The following SHD variants were observed in gnomAD, a reference collection of about 807,000 sequenced individuals.
SHD encodes SH2 domain-containing adapter protein D.
In SHD, 29 loss-of-function variants were observed where a neutral mutation model predicts 31.2. The observed-to-expected ratio is 0.93, with a 90% CI of 0.69 to 1.27. The LOEUF (loss-of-function observed/expected upper bound fraction) is 1.27, where lower values mean the gene tolerates loss of function less well. SHD is among the 50% of genes most tolerant of loss of function. The pLI is 0.00. For synonymous variants in SHD, 208 were observed against 187.8 expected (o/e 1.11, Z -0.88); for missense variants, 520 against 453.8 (o/e 1.15, Z -1.33).
chr19:4,286,899 T>G (rs1043180704), intron 4 of SHD, among the ~76,000 whole-genome samples: 2 of 149,076 alleles, frequency 1.3e-5, no homozygotes, highest in South Asian at 2.1e-4. Context: ...AAAAAAACAT[T>G]AAGAAAGGGG....
At chr19:4,290,282 G>C (rs1971363537) in intron 5 of SHD, among the ~76,000 whole-genome samples, 165 bp from the exon 6 acceptor site, 1 of 152,134 alleles carries the variant, frequency 6.6e-6, no homozygotes, top group Admixed American at 6.6e-5. Flanking sequence ...CCATATCACT[G>C]GGATTACAGG....
chr19:4,284,943 C>A, intron 4 of SHD, 39 bp downstream of exon 4: 2 of 1,551,976 alleles, frequency 1.3e-6, no homozygotes, highest in Non-Finnish European at 1.7e-6. Flanking sequence ...CCCCGTTGAA[C>A]GTATCTGTAG....
intron 3 of SHD, 62 bp from the exon 4 acceptor site, chr19:4,284,719 C>G: frequency 7.1e-7 from 1 of 1,411,414 alleles, no homozygotes; most frequent in Non-Finnish European, 9.4e-7. Context: ...ATTGGCTTGC[C>G]CCTGCCCCGC....
chr19:4,288,361 A>T lies in SHD; in HGVS notation c.835A>T (p.Arg279Trp). Reference protein sequence around the residue: ...TNPQDCSLSLRSSQGFLHLKF... With the variant: ...TNPQDCSLSLWSSQGFLHLKF... The stretch of plus-strand genomic sequence containing the variant: ...CCCCCAGGACTGCTCCTTGTCTCTC[A>T]GGTGAGAACTCAGCCTCACAGGGAC... Residue 279 changes from arginine to tryptophan, a missense_variant and splice_region_variant, in exon 5 of 6, where the codon AGG becomes TGG. Coordinates refer to ENST00000543264, the MANE Select transcript of SHD (RefSeq NM_020209.4). The T allele has an allele frequency of 6.2e-7, 1 of 1,612,152 alleles. No individual in the cohort carries two copies. Among genetic ancestry groups the T allele is most frequent in the Non-Finnish European group, 8.5e-7 (1 of 1,179,086 alleles).
In SHD at chr19:4,288,275, C is replaced by G. The variant is rs997031004; in HGVS notation, c.749C>G (p.Ala250Gly). The G allele has an allele frequency of 1.2e-5, 20 of 1,613,682 alleles. No homozygotes were observed. The Admixed American group carries it at 3.3e-4, about 27-fold the overall frequency. Residue 250 changes from alanine to glycine, a missense_variant, in exon 5 of 6, where the codon GCA (alanine) becomes GGA (glycine). Ala to Gly is a moderately conservative substitution (Grantham distance 60). Transcript: ENST00000543264. Reference sequence around the variant, plus strand: ...CATGGCCCCCTGAACAGGGCGGATGCAGAGAGCCTCCTGTCCCTCTGCAAG... The same window carrying G: ...CATGGCCCCCTGAACAGGGCGGATGGAGAGAGCCTCCTGTCCCTCTGCAAG... ...WFHGPLNRAD[A>G]ESLLSLCKEG...
chr19:4,281,368 G>A (rs946403519), intron 1 of SHD, among the ~76,000 whole-genome samples: 11 of 147,590 alleles, frequency 7.5e-5, no homozygotes, highest in Middle Eastern at 6.4e-3. Context: ...AGGATCACTT[G>A]AGCCTAGAAG....
At chr19:4,288,103 C>T in intron 4 of SHD, 140 bp from the exon 5 acceptor site, 4 of 947,190 alleles carry the variant, frequency 4.2e-6, no homozygotes, top group Admixed American at 3.1e-5. Context: ...CGGGGTTTCA[C>T]CATGTTAGGG....
chr19:4,282,480 C>T (rs56868320), intron 1 of SHD, among the ~76,000 whole-genome samples: 2 of 151,952 alleles, frequency 1.3e-5, no homozygotes, highest in African/African-American at 2.4e-5. Flanking sequence ...AATCCCAGCA[C>T]GTTGGGAGCC....
intron 5 of SHD, among the ~76,000 whole-genome samples, chr19:4,289,190 A>C (rs372737803): frequency 1.4e-4 from 20 of 142,120 alleles, no homozygotes; most frequent in African/African-American, 5.3e-4. Context: ...GGCTCACTGC[A>C]AGCTCTGCCT....
chr19:4,281,694 G>T (rs554984520), intron 1 of SHD, among the ~76,000 whole-genome samples: 14 of 152,096 alleles, frequency 9.2e-5, no homozygotes, highest in African/African-American at 3.4e-4. Flanking sequence ...GGAGGTGGAG[G>T]TTGCAGTGAG....
At chr19:4,286,609 A>G (rs1180481710) in intron 4 of SHD, among the ~76,000 whole-genome samples, 1 of 152,156 alleles carries the variant, frequency 6.6e-6, no homozygotes, top group African/African-American at 2.4e-5. Context: ...ACATTAAAGC[A>G]AAACATTAGG....
chr19:4,279,515 C>G lies in SHD; in HGVS notation c.-549C>G, dbSNP rs1388668305. 1 of 152,394 alleles carries G rather than the reference C, an allele frequency of 6.6e-6. No homozygotes were observed. Among genetic ancestry groups the G allele is most frequent in the African/African-American group, 2.4e-5 (1 of 41,478 alleles). The allele number at this position is 152,394 out of a possible 1,614,324, so 9.4% of individuals were successfully genotyped here. Reference sequence around the variant, plus strand: ...GACAAAGGATGCGTCCCGCCGGGGTCACAGTCTCCGCGGCCCAACTTTGCG... The same window carrying G: ...GACAAAGGATGCGTCCCGCCGGGGTGACAGTCTCCGCGGCCCAACTTTGCG... On this transcript the variant is annotated 5_prime_UTR_variant, in exon 1 of 6. Transcript: ENST00000543264. The surrounding 1 kb of genome is among the most constrained non-coding windows in gnomAD (Gnocchi z 7.5).
Position 4,279,321 on chromosome 19 carries a change from G to T in SHD, c.-743G>T, listed in dbSNP as rs1971230611. ...TGGGAACAGGGGCGTCCTCCTGCGC[G>T]CCCCCCTCCCCAGCGTCCCACCTCC... On this transcript the variant is annotated 5_prime_UTR_variant, in exon 1 of 6. Transcript: ENST00000543264. This position sits in a 1 kb window ranked among gnomAD's most constrained non-coding sequence, Gnocchi z 7.5. The T allele has an allele frequency of 6.6e-6, 1 of 151,428 alleles. No homozygotes were observed. The highest frequency in any genetic ancestry group is 2.4e-5 in the African/African-American group (1 of 41,126). The allele number at this position is 151,428 out of a possible 1,614,324, so 9.4% of individuals were successfully genotyped here. A position where few individuals can be genotyped will look rare whatever the true frequency, so the allele number is the denominator to read the frequency against.
chr19:4,286,249 TTCTTTCTTTCTCTC>T (rs1971312542), intron 4 of SHD, among the ~76,000 whole-genome samples: 1 of 115,820 alleles, frequency 8.6e-6, no homozygotes, highest in Non-Finnish European at 1.8e-5. Flanking sequence ...CTTTCTTTCT[TTCTTTCTTTCTCTC>T]TTTCTTTCTT....
intron 4 of SHD, among the ~76,000 whole-genome samples, chr19:4,287,167 C>T (rs963864544): frequency 4.0e-5 from 6 of 151,468 alleles, no homozygotes; most frequent in African/African-American, 7.3e-5. Flanking sequence ...CCAGTCTTTA[C>T]GAAAAATGCA....
chr19:4,285,580 T>C (rs1358668048), intron 4 of SHD, among the ~76,000 whole-genome samples: 1 of 151,154 alleles, frequency 6.6e-6, no homozygotes, highest in Non-Finnish European at 1.5e-5. Context: ...CCCCGAGTCT[T>C]GCTGTGTCGC....
chr19:4,279,204 G>A (rs987482189), upstream of SHD: 1 of 152,092 alleles, frequency 6.6e-6, no homozygotes, highest in Non-Finnish European at 1.5e-5. This position sits in a 1 kb window ranked among gnomAD's most constrained non-coding sequence, Gnocchi z 7.5. Context: ...CACCTCCGAG[G>A]GGAGCGCAGG....
In SHD at chr19:4,280,116, C is replaced by G. The variant is rs755642309; in HGVS notation, c.53C>G (p.Pro18Arg). Reference protein sequence around the residue: ...YLSFGGRRPPPQPPTPDYTES... With the variant: ...YLSFGGRRPPRQPPTPDYTES... ...AGCTTTGGGGGTCGGAGGCCCCCTC[C>G]GCAGCCGCCCACCCCGGACTACACC... The change falls in exon 1 of 6, where the codon CCG becomes CGG. Residue 18 changes from proline to arginine, a missense_variant. Coordinates refer to ENST00000543264, the MANE Select transcript of SHD (RefSeq NM_020209.4). The G allele has an allele frequency of 1.9e-6, 3 of 1,612,028 alleles. No homozygotes were observed. The highest frequency in any genetic ancestry group is 2.5e-6 in the Non-Finnish European group (3 of 1,179,340).
chr19:4,280,016 T>C lies in SHD; in HGVS notation c.-48T>C, dbSNP rs755815838. 2.0e-6 allele frequency: 3 copies of C among 1,520,040 alleles called. No homozygotes were observed. Among genetic ancestry groups the C allele is most frequent in the African/African-American group, 2.8e-5 (2 of 71,624 alleles). The allele number at this position is 1,520,040 out of a possible 1,614,324, so 94.2% of individuals were successfully genotyped here. ...GGGGAAAGGGGCCCGGAGAAGGGCA[T>C]GTGGGGGCCCCTCTGACAGTGGCCC... On this transcript the variant is annotated 5_prime_UTR_variant, in exon 1 of 6. It removes an upstream start codon present in the reference 5' UTR. Transcript: ENST00000543264.
Sources: gnomAD v4.1 joint callset for allele counts (sites outside exome capture counted in the v4.1 genomes callset) on GRCh38, gnomAD v4.1.1 for gene constraint, Gnocchi (gnomAD v3.1) non-coding constraint, MANE v1.5 for transcripts, NCBI Gene and HGNC (gene_info 2026-07-23, HGNC 2026-07-21) for gene names.